Variants in CTDP1 observed in about 807,000 individuals in gnomAD.
CTDP1 encodes the protein CTD phosphatase 1.
Under a neutral mutation model 91.8 loss-of-function variants are expected in CTDP1, and 47 were observed. The observed-to-expected ratio is 0.51, with a 90% confidence interval of 0.41 to 0.65. CTDP1 has a LOEUF of 0.65. CTDP1 is among the 30% of genes least tolerant of loss of function. The pLI, the probability that CTDP1 is intolerant of heterozygous loss-of-function variation, is 0.00. For synonymous variants in CTDP1, 656 were observed against 598.5 expected (o/e 1.10, Z -1.40); for missense variants, 1,272 against 1,373.7 (o/e 0.93, Z 1.17).
At chr18:79,731,417 A>G (rs986968891) in intron 11 of CTDP1, among the ~76,000 whole-genome samples, 1 of 152,192 alleles carries the variant, frequency 6.6e-6, no homozygotes, top group Non-Finnish European at 1.5e-5. Context: ...CCACACTGAC[A>G]AGGGCTTCCC....
chr18:79,692,488 T>C (rs1414475235), intron 1 of CTDP1, among the ~76,000 whole-genome samples: 1 of 152,216 alleles, frequency 6.6e-6, no homozygotes, highest in Non-Finnish European at 1.5e-5. Context: ...TGTCAATTTC[T>C]ACAAAAAAAC....
chr18:79,751,370 G>A (rs73482267), intron 12 of CTDP1, among the ~76,000 whole-genome samples: 1,925 of 152,210 alleles, frequency 0.013, 46 homozygotes, highest in African/African-American at 0.044. Context: ...GGGAGCGGGG[G>A]AGGGGCTGTC....
Position 79,679,989 on chromosome 18 carries a change from C to A in CTDP1, c.42C>A (p.Ala14=). 1 of 1,342,718 alleles carries A rather than the reference C, an allele frequency of 7.4e-7. No homozygotes were observed. Among genetic ancestry groups the A allele is most frequent in the Non-Finnish European group, 9.6e-7 (1 of 1,044,528 alleles). 83.2% of individuals were successfully genotyped at this position (1,342,718 alleles called of 1,614,324 possible). The change falls in exon 1 of 13, where the codon GCC becomes GCA. Residue 14 remains alanine, a synonymous_variant. Transcript: ENST00000613122. Reference sequence around the variant, plus strand: ...CGGGTCGCGTTCCTGCCGAGGGCGCCCCGACGGCGGCTGTGGCCGAGGTGC... The same window carrying A: ...CGGGTCGCGTTCCTGCCGAGGGCGCACCGACGGCGGCTGTGGCCGAGGTGC... ...PAAGRVPAEG[A]PTAAVAEVRC...
chr18:79,684,012 G>C (rs1200103477), intron 1 of CTDP1, among the ~76,000 whole-genome samples: 1 of 152,248 alleles, frequency 6.6e-6, no homozygotes, highest in Non-Finnish European at 1.5e-5. Context: ...AAGTATCTTT[G>C]AAAACATAGC....
chr18:79,720,747 G>A (rs998094348), intron 10 of CTDP1, among the ~76,000 whole-genome samples: 15 of 152,160 alleles, frequency 9.9e-5, no homozygotes, highest in South Asian at 4.1e-4. Flanking sequence ...GCCAGCAGGT[G>A]CCTAAAGTTC....
chr18:79,716,085 T>C (rs1041349404), intron 8 of CTDP1, among the ~76,000 whole-genome samples: 1 of 152,214 alleles, frequency 6.6e-6, no homozygotes, highest in East Asian at 1.9e-4. Flanking sequence ...GAAGGAAGAC[T>C]TAACACCCCG....
intron 12 of CTDP1, among the ~76,000 whole-genome samples, chr18:79,744,360 C>T (rs2086838090): frequency 6.6e-6 from 1 of 152,124 alleles, no homozygotes; most frequent in African/African-American, 2.4e-5. Flanking sequence ...ACTTGGAGTT[C>T]ACAAAAGGAA....
chr18:79,746,245 G>A (rs1293094579), intron 12 of CTDP1, among the ~76,000 whole-genome samples: 3 of 57,792 alleles, frequency 5.2e-5, no homozygotes, highest in African/African-American at 1.4e-4. Context: ...CTGACCCCGC[G>A]TCCCTCCCGT....
Position 79,715,211 on chromosome 18 carries a change from C to T in CTDP1, c.1751C>T (p.Thr584Met), listed in dbSNP as rs777188795. ...ATGGAGGAGGAGGAGGAGGAGGACA[C>T]GGATGAGGATGACCACCTCATCTAC... Reference protein sequence around the residue: ...QSMEEEEEEDTDEDDHLIYLE... With the variant: ...QSMEEEEEEDMDEDDHLIYLE... Residue 584 changes from threonine to methionine, a missense_variant, in exon 8 of 13, where the codon ACG (threonine) becomes ATG (methionine). Transcript: ENST00000613122. 34 of 1,607,766 alleles carry T rather than the reference C, an allele frequency of 2.1e-5. No individual in the cohort carries two copies. Among genetic ancestry groups the T allele is most frequent in the South Asian group, 3.3e-5 (3 of 90,284 alleles).
At position 79,747,626 on chromosome 18, in the gene CTDP1, C is replaced by T. The variant is rs570664879; in HGVS notation, c.2748-6026C>T. On this transcript the variant is annotated intron_variant, in intron 12 of 12. Coordinates refer to ENST00000613122, the MANE Select transcript of CTDP1 (RefSeq NM_004715.5). ...CTTCACCTGCTTTGGGCAGCCCCAA[C>T]GCCGCTCTCACGCCACGTTCCACTC... Among the ~76,000 whole-genome samples, 18 of 152,366 alleles carry T rather than the reference C, an allele frequency of 1.2e-4. 1 individual carries two copies. Among genetic ancestry groups the T allele is most frequent in the Middle Eastern group, 6.8e-3 (2 of 294 alleles).
chr18:79,749,096 A>G (rs148610350), intron 12 of CTDP1, among the ~76,000 whole-genome samples: 1 of 152,308 alleles, frequency 6.6e-6, no homozygotes, highest in Non-Finnish European at 1.5e-5. Flanking sequence ...TGTGAGGGGA[A>G]CATATTTCTA....
intron 7 of CTDP1, among the ~76,000 whole-genome samples, chr18:79,714,239 T>C (rs2086146094): frequency 6.6e-6 from 1 of 152,160 alleles, no homozygotes; most frequent in African/African-American, 2.4e-5. Context: ...GGATTGGGGA[T>C]GTTCAGCTGG....
chr18:79,696,085 A>G lies in CTDP1; in HGVS notation c.492+15A>G. ...TGAGCTCCGAGGTGAGCCGGGCATCAGTGGCGGCGTGTTGGGGAAGCGTGG... is the reference window on the plus strand; with the variant it reads ...TGAGCTCCGAGGTGAGCCGGGCATCGGTGGCGGCGTGTTGGGGAAGCGTGG... On this transcript the variant is annotated intron_variant, in intron 3 of 12. Coordinates refer to ENST00000613122, the MANE Select transcript of CTDP1 (RefSeq NM_004715.5). The G allele has an allele frequency of 1.2e-6, 2 of 1,608,112 alleles. No individual in the cohort carries two copies. The highest frequency in any genetic ancestry group is 2.2e-5 in the East Asian group (1 of 44,856).
At chr18:79,704,981 G>A (rs2085938346) in intron 5 of CTDP1, 64 bp downstream of exon 5, 2 of 1,604,304 alleles carry the variant, frequency 1.2e-6, no homozygotes, top group African/African-American at 2.7e-5. Flanking sequence ...TTTCGGTGAT[G>A]GTTTCTTAAA....
Position 79,679,815 on chromosome 18 carries a change from G to C in CTDP1, c.-133G>C, listed in dbSNP as rs1302393639. 1 of 878,528 alleles carries C rather than the reference G, an allele frequency of 1.1e-6. No homozygotes were observed. The highest frequency in any genetic ancestry group is 1.8e-5 in the African/African-American group (1 of 56,898). The allele number at this position is 878,528 out of a possible 1,614,324, so 54.4% of individuals were successfully genotyped here. On this transcript the variant is annotated 5_prime_UTR_variant, in exon 1 of 13. Coordinates refer to ENST00000613122, the MANE Select transcript of CTDP1 (RefSeq NM_004715.5). ...CGCGCCCTCCAGGAAGTCGGCGCGG[G>C]CTAGGCGACGGGTGGAAGCCGGTAC...
chr18:79,716,308 G>A (rs961462177), intron 8 of CTDP1, among the ~76,000 whole-genome samples: 2 of 152,194 alleles, frequency 1.3e-5, no homozygotes, highest in African/African-American at 2.4e-5. Flanking sequence ...GTCCACGCAC[G>A]CTCCCTGACA....
At chr18:79,679,113 C>G, upstream of CTDP1, 1 of 281,386 alleles carries the variant, frequency 3.6e-6, no homozygotes, top group Non-Finnish European at 7.0e-6. Flanking sequence ...TGCCCGCCCT[C>G]CCGCTGCGGT....
At chr18:79,739,483 A>C (rs2086731905) in intron 12 of CTDP1, among the ~76,000 whole-genome samples, 1 of 151,856 alleles carries the variant, frequency 6.6e-6, no homozygotes, top group Non-Finnish European at 1.5e-5. Context: ...ACGATTAGAG[A>C]ACCACGCAAG....
chr18:79,709,426 G>T (rs2086035748), intron 5 of CTDP1, among the ~76,000 whole-genome samples: 2 of 152,236 alleles, frequency 1.3e-5, no homozygotes, highest in African/African-American at 4.8e-5. Flanking sequence ...AGAAACCTCT[G>T]CCTGATTTGT....
Sources: gnomAD v4.1 joint callset for allele counts (sites outside exome capture counted in the v4.1 genomes callset) on GRCh38, gnomAD v4.1.1 for gene constraint, MANE v1.5 for transcripts, NCBI Gene and HGNC (gene_info 2026-07-23, HGNC 2026-07-21) for gene names.